Variants in GTF2H5 observed in about 807,000 individuals in gnomAD.
GTF2H5 encodes the protein TFB5 ortholog.
Under a neutral mutation model 7.1 loss-of-function variants are expected in GTF2H5, and 5 were observed. That is an observed-to-expected ratio of 0.71 (90% CI 0.37 to 1.49). The LOEUF (loss-of-function observed/expected upper bound fraction) is 1.49, where lower values mean the gene tolerates loss of function less well. Ranked by LOEUF, GTF2H5 falls within the 40% of genes most tolerant of loss-of-function variation. GTF2H5 has a pLI of 0.03. For synonymous variants in GTF2H5, 30 were observed against 31.7 expected (o/e 0.95, Z 0.18); for missense variants, 80 against 83.0 (o/e 0.96, Z 0.14).
intron 2 of GTF2H5, among the ~76,000 whole-genome samples, chr6:158,175,591 C>G (rs1487543241): frequency 6.6e-6 from 1 of 152,136 alleles, no homozygotes; most frequent in Non-Finnish European, 1.5e-5. Flanking sequence ...TGGTAAAACC[C>G]TGTCTCTACT....
intron 2 of GTF2H5, among the ~76,000 whole-genome samples, chr6:158,178,599 C>G (rs1785965011): frequency 6.6e-6 from 1 of 152,018 alleles, no homozygotes; most frequent in African/African-American, 2.4e-5. Flanking sequence ...CTCTAATGAC[C>G]AGTGATGATG....
rs1264799345 is a variant in GTF2H5 at position 158,198,411 on chromosome 6, A to C, written c.*6254A>C. 1.3e-5 allele frequency: 2 copies of C among 152,220 alleles called. No individual in the cohort carries two copies. Among genetic ancestry groups the C allele is most frequent in the African/African-American group, 4.8e-5 (2 of 41,454 alleles). 9.4% of individuals were successfully genotyped at this position (152,220 alleles called of 1,614,324 possible). A position where few individuals can be genotyped will look rare whatever the true frequency, so the allele number is the denominator to read the frequency against. On this transcript the variant is annotated 3_prime_UTR_variant, in exon 3 of 3. Transcript: ENST00000607778. ...ATTTTTTCACTGTCCTCAGACATTT[A>C]CTGAGTCCAGTTTGGACTTTATTTT...
chr6:158,177,764 C>T (rs1392699172), intron 2 of GTF2H5, among the ~76,000 whole-genome samples: 1 of 152,192 alleles, frequency 6.6e-6, no homozygotes, highest in Non-Finnish European at 1.5e-5. Flanking sequence ...TGATCGCCTC[C>T]CTGTGTCCAT....
intron 2 of GTF2H5, chr6:158,190,619 A>T (rs1447875795): frequency 2.1e-6 from 1 of 477,054 alleles, no homozygotes; most frequent in Non-Finnish European, 4.2e-6. Context: ...ATACTCATCT[A>T]GGGATAGAAG....
rs1785768245 is a variant in GTF2H5 at position 158,169,598 on chromosome 6, T to TA, written c.-34-872_-34-871insA. Among the ~76,000 whole-genome samples the TA allele has an allele frequency of 2.3e-5, 2 of 88,606 alleles. 1 individual carries two copies. The allele number at this position is 88,606 out of a possible 152,430, so 58.1% of individuals were successfully genotyped here. A position where few individuals can be genotyped will look rare whatever the true frequency, so the allele number is the denominator to read the frequency against. Reference sequence around the variant, plus strand: ...TATATTATATATAATATATTGTATATTACATATATTGTATATTACATATAA... The same window carrying TA: ...TATATTATATATAATATATTGTATATATACATATATTGTATATTACATATAA... On this transcript the variant is annotated intron_variant, in intron 1 of 2. Transcript: ENST00000607778.
chr6:158,183,686 G>A (rs897365952), intron 2 of GTF2H5, among the ~76,000 whole-genome samples: 5 of 152,182 alleles, frequency 3.3e-5, no homozygotes, highest in South Asian at 2.1e-4. Flanking sequence ...GCAAGGCTCC[G>A]TGGGCGTGGG....
At chr6:158,190,999 C>G (rs1777017275) in intron 2 of GTF2H5, 1 of 488,290 alleles carries the variant, frequency 2.0e-6, no homozygotes, top group Non-Finnish European at 4.0e-6. Context: ...CCAAAAACCA[C>G]AAGTTAATAA....
At position 158,195,717 on chromosome 6, in the gene GTF2H5, T is replaced by C. The variant is rs1777096615; in HGVS notation, c.*3560T>C. The C allele has an allele frequency of 6.6e-6, 1 of 152,234 alleles. No individual in the cohort carries two copies. The highest frequency in any genetic ancestry group is 1.5e-5 in the Non-Finnish European group (1 of 68,044). The allele number at this position is 152,234 out of a possible 1,614,324, so 9.4% of individuals were successfully genotyped here. A position where few individuals can be genotyped will look rare whatever the true frequency, so the allele number is the denominator to read the frequency against. On this transcript the variant is annotated 3_prime_UTR_variant, in exon 3 of 3. Coordinates refer to ENST00000607778, the MANE Select transcript of GTF2H5 (RefSeq NM_207118.3). The stretch of plus-strand genomic sequence containing the variant: ...TTGCAGTTATACAATAAATCTTACT[T>C]AGCTGACAACTAGGAGTAAAAGCTC...
chr6:158,168,945 A>C (rs571434098), intron 1 of GTF2H5, among the ~76,000 whole-genome samples: 2 of 149,992 alleles, frequency 1.3e-5, no homozygotes, highest in African/African-American at 4.9e-5. Flanking sequence ...TAAAAATACA[A>C]TAAATTGGCC....
In GTF2H5 at chr6:158,185,417, G is replaced by C. The variant is rs535252962; in HGVS notation, c.36-6560G>C. On this transcript the variant is annotated intron_variant, in intron 2 of 2. Coordinates refer to ENST00000607778, the MANE Select transcript of GTF2H5 (RefSeq NM_207118.3). ...TAGCCAGGCATGGTGGCGTGCGCCT[G>C]TAGACCCAGTTAGTCAGGAGGCTGA... 1.3e-3 allele frequency among the ~76,000 whole-genome samples: 202 copies of C among 151,912 alleles called. 1 individual carries two copies. Among genetic ancestry groups the C allele is most frequent in the African/African-American group, 4.4e-3 (183 of 41,426 alleles).
At chr6:158,186,806 G>A (rs1477163925) in intron 2 of GTF2H5, among the ~76,000 whole-genome samples, 1 of 152,208 alleles carries the variant, frequency 6.6e-6, no homozygotes, top group African/African-American at 2.4e-5. Flanking sequence ...GTCATAGGTA[G>A]ATTCAAAGAT....
Position 158,192,230 on chromosome 6 carries a change from G to T in GTF2H5, c.*73G>T. 2 of 1,128,152 alleles carry T rather than the reference G, an allele frequency of 1.8e-6. No individual in the cohort carries two copies. Among genetic ancestry groups the T allele is most frequent in the South Asian group, 1.3e-5 (1 of 79,638 alleles). The allele number at this position is 1,128,152 out of a possible 1,614,324, so 69.9% of individuals were successfully genotyped here. A position where few individuals can be genotyped will look rare whatever the true frequency, so the allele number is the denominator to read the frequency against. ...AGACTTGCCACTCAATATCTTAGGT[G>T]ACTGATTAGACATAGAGGGTTGTTT... On this transcript the variant is annotated 3_prime_UTR_variant, in exon 3 of 3. Coordinates refer to ENST00000607778, the MANE Select transcript of GTF2H5 (RefSeq NM_207118.3).
chr6:158,188,804 C>T (rs979910704), intron 2 of GTF2H5, among the ~76,000 whole-genome samples: 1 of 152,092 alleles, frequency 6.6e-6, no homozygotes, highest in Admixed American at 6.6e-5. Flanking sequence ...AGTGTCATCC[C>T]GGAGATCCTC....
chr6:158,186,253 G>A (rs542495496), intron 2 of GTF2H5, among the ~76,000 whole-genome samples: 40 of 152,262 alleles, frequency 2.6e-4, no homozygotes, highest in Non-Finnish European at 3.7e-4. Flanking sequence ...GTCCTGAGGC[G>A]CTTCTTGGTT....
intron 2 of GTF2H5, among the ~76,000 whole-genome samples, chr6:158,175,803 A>AT (rs1433016262): frequency 6.6e-6 from 1 of 152,194 alleles, no homozygotes; most frequent in African/African-American, 2.4e-5. Flanking sequence ...AGAACTGCCA[A>AT]TAAAAATGTA....
chr6:158,187,884 T>C (rs796712335), intron 2 of GTF2H5, among the ~76,000 whole-genome samples: 19 of 152,254 alleles, frequency 1.2e-4, no homozygotes, highest in African/African-American at 4.3e-4. Flanking sequence ...TGTTTTAATG[T>C]TAATACTGGT....
At position 158,169,535 on chromosome 6, in the gene GTF2H5, T is replaced by TTA. The variant is rs1173293373; in HGVS notation, c.-34-928_-34-927dup. ...TATATTATATATAATATACAGTATA[T>TTA]TATATATAATATACTGTATATTATA... On this transcript the variant is annotated intron_variant, in intron 1 of 2. Coordinates refer to ENST00000607778, the MANE Select transcript of GTF2H5 (RefSeq NM_207118.3). Among the ~76,000 whole-genome samples, 2 of 83,742 alleles carry TTA rather than the reference T, an allele frequency of 2.4e-5. 1 individual carries two copies. Among genetic ancestry groups the TTA allele is most frequent in the East Asian group, 6.8e-4 (2 of 2,928 alleles). The allele number at this position is 83,742 out of a possible 152,430, so 54.9% of individuals were successfully genotyped here.
At chr6:158,187,995 T>A (rs1388752507) in intron 2 of GTF2H5, among the ~76,000 whole-genome samples, 1 of 152,208 alleles carries the variant, frequency 6.6e-6, no homozygotes, top group Non-Finnish European at 1.5e-5. Context: ...TGGAATGCCC[T>A]TAGCCAAGGG....
chr6:158,169,425 A>ATATGTATATTATATATATTATATATAG (rs1231681450), intron 1 of GTF2H5, among the ~76,000 whole-genome samples: 63 of 72,842 alleles, frequency 8.6e-4, no homozygotes, highest in Non-Finnish European at 1.3e-3. Context: ...ATTATATATA[A>ATATGTATATTATATATATTATATATAG]TATATTGTAT....
Sources: allele counts gnomAD v4.1 joint callset (sites outside exome capture counted in the v4.1 genomes callset), GRCh38; gene constraint gnomAD v4.1.1; transcripts MANE v1.5; gene names NCBI Gene and HGNC (gene_info 2026-07-23, HGNC 2026-07-21).